SMURF1: variants seen among roughly 807,000 people sequenced by gnomAD.
The protein encoded by SMURF1 is E3 ubiquitin-protein ligase SMURF1.
Under a neutral mutation model 98.0 loss-of-function variants are expected in SMURF1, and 44 were observed. The ratio of observed to expected loss-of-function variants is 0.45; its 90% CI spans 0.35 to 0.58. The LOEUF (loss-of-function observed/expected upper bound fraction) is 0.58, where lower values mean the gene tolerates loss of function less well. Among genes scored for constraint, SMURF1 ranks in the 20% least tolerant of loss-of-function variants. SMURF1 has a pLI of 0.00. For missense variants in SMURF1, 687 were observed against 938.4 expected, an observed-to-expected ratio of 0.73 and a Z score of 3.50; for synonymous variants, 396 against 374.9, an observed-to-expected ratio of 1.06 and a Z score of -0.65.
intron 1 of SMURF1, among the ~76,000 whole-genome samples, chr7:99,129,552 AGCTAATTTTTT>A (rs144840252): frequency 0.015 from 2,302 of 152,222 alleles, 47 homozygotes; most frequent in African/African-American, 0.05. Flanking sequence ...CACTATGCCC[AGCTAATTTTTT>A]TCTATTTTTG....
In SMURF1 at chr7:99,035,663, C is replaced by T. The variant is rs751342204; in HGVS notation, c.1863G>A (p.Thr621=). 94 of 1,614,116 alleles carry T rather than the reference C, an allele frequency of 5.8e-5. No homozygotes were observed. In the South Asian group the frequency reaches 8.5e-4, roughly 15 times the overall value. ...KIDLNDWKSN[T]RLKHCVADSN... ...TGTCGGCCACACAGTGCTTCAGCCG[C>T]GTGTTCGACTTCCAGTCGTTCAAGT... Residue 621 remains threonine (T), a synonymous_variant, in exon 16 of 18, where the codon ACG becomes ACA. Transcript: ENST00000361368.
At chr7:99,033,393 A>G (rs1794994178) in intron 16 of SMURF1, among the ~76,000 whole-genome samples, 1 of 152,174 alleles carries the variant, frequency 6.6e-6, no homozygotes, top group Admixed American at 6.5e-5. Context: ...TCACTGCAAC[A>G]TCTGACTGCC....
intron 1 of SMURF1, among the ~76,000 whole-genome samples, chr7:99,066,988 ATTT>A (rs772382345): frequency 4.6e-5 from 6 of 130,966 alleles, no homozygotes; most frequent in Admixed American, 1.6e-4. Flanking sequence ...TTGTATTTGG[ATTT>A]TTTTTTCTTT....
At chr7:99,047,598 G>T in intron 10 of SMURF1, 86 bp downstream of exon 10, 1 of 1,413,556 alleles carries the variant, frequency 7.1e-7, no homozygotes, top group Non-Finnish European at 9.9e-7. Context: ...AGCAGCCCTT[G>T]AAAACAATCG....
chr7:99,046,841 G>A (rs1022234619), intron 10 of SMURF1, among the ~76,000 whole-genome samples: 2 of 151,930 alleles, frequency 1.3e-5, no homozygotes, highest in Non-Finnish European at 2.9e-5. Flanking sequence ...TTCTAGCCCT[G>A]CAACAAGGGC....
At chr7:99,132,289 G>A (rs989865280) in intron 1 of SMURF1, among the ~76,000 whole-genome samples, 3 of 152,078 alleles carry the variant, frequency 2.0e-5, no homozygotes, top group Non-Finnish European at 2.9e-5. Flanking sequence ...ACTCAGAGGC[G>A]ACCAGGAGAC....
At position 99,071,061 on chromosome 7, in the gene SMURF1, CTTTT is replaced by C. The variant is rs58384494; in HGVS notation, c.56-9228_56-9225del. Among the ~76,000 whole-genome samples, 8 of 142,084 alleles carry C rather than the reference CTTTT, an allele frequency of 5.6e-5. 1 individual carries two copies. The highest frequency in any genetic ancestry group is 1.8e-4 in the African/African-American group (7 of 38,760). The allele number at this position is 142,084 out of a possible 152,430, so 93.2% of individuals were successfully genotyped here. On this transcript the variant is annotated intron_variant, in intron 1 of 17. Transcript: ENST00000361368. The stretch of plus-strand genomic sequence containing the variant: ...ACTAAAGTCCAGAGGGCATTTGGAA[CTTTT>C]TTTTTTTTTTTTGAGATGGAGTCTT...
chr7:99,139,793 T>C (rs1253990352), intron 1 of SMURF1, among the ~76,000 whole-genome samples: 1 of 152,230 alleles, frequency 6.6e-6, no homozygotes, highest in Non-Finnish European at 1.5e-5. Flanking sequence ...AAAATGTTAT[T>C]ATTTTAAATA....
chr7:99,051,270 A>G (rs999788250), intron 8 of SMURF1, 87 bp downstream of exon 8: 19 of 1,109,420 alleles, frequency 1.7e-5, no homozygotes, highest in Admixed American at 7.0e-5. Context: ...TTTAGTTTAA[A>G]ACAAGAGCAA....
Position 99,077,340 on chromosome 7 carries a change from T to A in SMURF1, c.56-15503A>T, listed in dbSNP as rs548657666. On this transcript the variant is annotated intron_variant, in intron 1 of 17. Transcript: ENST00000361368. ...TTTTTTTATTTTTTTTATTTTTTTT[T>A]ATTTTTTTTTTGAGATGGAGTCTCG... Among the ~76,000 whole-genome samples the A allele has an allele frequency of 4.1e-3, 625 of 151,472 alleles. 2 individuals are homozygous for A. The highest frequency in any genetic ancestry group is 0.017 in the Middle Eastern group (5 of 290).
Position 99,051,078 on chromosome 7 carries a change from C to T in SMURF1, c.806+279G>A, listed in dbSNP as rs557845582. The T allele has an allele frequency of 2.8e-5, 36 of 1,301,974 alleles. No individual in the cohort carries two copies. The South Asian group carries it at 4.7e-4, about 17-fold the overall frequency. The allele number at this position is 1,301,974 out of a possible 1,614,324, so 80.7% of individuals were successfully genotyped here. A position where few individuals can be genotyped will look rare whatever the true frequency, so the allele number is the denominator to read the frequency against. On this transcript the variant is annotated intron_variant, in intron 8 of 17. Coordinates refer to ENST00000361368, the MANE Select transcript of SMURF1 (RefSeq NM_181349.3). ...TTGACTTATGATGGAAAATTTTAAG[C>T]ATATAAAAAAGTTAGTGATCATAAG...
intron 1 of SMURF1, among the ~76,000 whole-genome samples, chr7:99,118,955 G>C (rs973088075): frequency 2.7e-5 from 4 of 145,776 alleles, no homozygotes; most frequent in African/African-American, 1.0e-4. Flanking sequence ...CAACCTTCTG[G>C]GCTCAAGCGA....
At chr7:99,071,485 G>T (rs1016374426) in intron 1 of SMURF1, among the ~76,000 whole-genome samples, 4 of 152,032 alleles carry the variant, frequency 2.6e-5, no homozygotes, top group Non-Finnish European at 5.9e-5. Flanking sequence ...CGGTAACTGG[G>T]GATCACTCTC....
At position 99,110,099 on chromosome 7, in the gene SMURF1, A is replaced by C. The variant is rs183111711; in HGVS notation, c.55+33627T>G. 1.4e-3 allele frequency among the ~76,000 whole-genome samples: 216 copies of C among 152,370 alleles called. 2 individuals are homozygous for C. The highest frequency in any genetic ancestry group is 2.8e-3 in the Non-Finnish European group (188 of 68,030). On this transcript the variant is annotated intron_variant, in intron 1 of 17. Coordinates refer to ENST00000361368, the MANE Select transcript of SMURF1 (RefSeq NM_181349.3). ...CAGGAAAATATACTGAAAAACTATT[A>C]TAAAGAATAAGAATAATTCAGTAAG...
chr7:99,039,640 T>C (rs1795297200), intron 13 of SMURF1, among the ~76,000 whole-genome samples: 1 of 152,138 alleles, frequency 6.6e-6, no homozygotes, highest in African/African-American at 2.4e-5. Context: ...AGTGCTGGGA[T>C]AATAGGCATG....
chr7:99,105,581 A>G (rs1474441562), intron 1 of SMURF1, among the ~76,000 whole-genome samples: 1 of 152,252 alleles, frequency 6.6e-6, no homozygotes, highest in African/African-American at 2.4e-5. Flanking sequence ...AAACTGAGGC[A>G]TCAGAGAGAC....
intron 10 of SMURF1, among the ~76,000 whole-genome samples, chr7:99,047,338 G>T (rs1190763797): frequency 1.3e-5 from 2 of 152,222 alleles, no homozygotes; most frequent in Non-Finnish European, 2.9e-5. Context: ...ACATCATGTA[G>T]ACAAGGCGGT....
chr7:99,143,224 A>G (rs1461852180), intron 1 of SMURF1, among the ~76,000 whole-genome samples: 92 of 112,902 alleles, frequency 8.1e-4, no homozygotes, highest in African/African-American at 3.1e-3. Flanking sequence ...GGGGAAGAGA[A>G]AGGACCACAG....
chr7:99,066,579 A>C (rs4458798), intron 1 of SMURF1, among the ~76,000 whole-genome samples: 62,026 of 151,838 alleles, frequency 0.41, 15,502 homozygotes, highest in Non-Finnish European at 0.55. Flanking sequence ...GGAGTTCGAG[A>C]CCAGCCTGGG....
Sources: allele counts gnomAD v4.1 joint callset (sites outside exome capture counted in the v4.1 genomes callset), GRCh38; gene constraint gnomAD v4.1.1; transcripts MANE v1.5; gene names NCBI Gene and HGNC (gene_info 2026-07-23, HGNC 2026-07-21).